Variants in ATP5F1A observed in about 807,000 individuals in gnomAD.
ATP5F1A encodes ATP synthase F(1) complex subunit alpha, mitochondrial.
A neutral mutation model predicts 57.4 loss-of-function variants in ATP5F1A; 24 were observed. That is an observed-to-expected ratio of 0.42 (90% confidence interval 0.30 to 0.59). The LOEUF is 0.59. Ranked by LOEUF, ATP5F1A falls within the 20% of genes least tolerant of loss-of-function variation. ATP5F1A has a pLI of 0.19. For synonymous variants in ATP5F1A, 251 were observed against 255.5 expected, an observed-to-expected ratio of 0.98 and a Z score of 0.17; for missense variants, 494 against 707.9, an observed-to-expected ratio of 0.70 and a Z score of 3.43.
At position 46,093,917 on chromosome 18, in the gene ATP5F1A, G is replaced by A. The variant is rs1910746203; in HGVS notation, c.139+1136C>T. Among the ~76,000 whole-genome samples the A allele has an allele frequency of 2.0e-5, 3 of 152,162 alleles. No homozygotes were observed. In the South Asian group the frequency reaches 6.2e-4, roughly 32 times the overall value. ...AGGTCAGGAGTTCGAGACCAGCCTGGCTAACATGGTGAAACCTTGTCTCTA... is the reference window on the plus strand; with the variant it reads ...AGGTCAGGAGTTCGAGACCAGCCTGACTAACATGGTGAAACCTTGTCTCTA... On this transcript the variant is annotated intron_variant, in intron 2 of 11. Coordinates refer to ENST00000398752, the MANE Select transcript of ATP5F1A (RefSeq NM_004046.6).
intron 2 of ATP5F1A, among the ~76,000 whole-genome samples, chr18:46,092,918 G>T (rs182931150): frequency 1.3e-4 from 20 of 151,794 alleles, no homozygotes; most frequent in African/African-American, 4.4e-4. Context: ...GATGCCAAAG[G>T]GGGTGGATCA....
intron 3 of ATP5F1A, among the ~76,000 whole-genome samples, chr18:46,091,394 A>T (rs1364850306): frequency 6.6e-6 from 1 of 152,246 alleles, no homozygotes; most frequent in African/African-American, 2.4e-5. Flanking sequence ...CTTAACAGCA[A>T]GACAGAACAG....
intron 1 of ATP5F1A, among the ~76,000 whole-genome samples, chr18:46,096,133 C>T (rs989473166): frequency 1.3e-5 from 2 of 152,144 alleles, no homozygotes; most frequent in African/African-American, 4.8e-5. Context: ...AGGTGATGCA[C>T]CCACCTTGGC....
At chr18:46,099,245 C>A (rs1465696818), upstream of ATP5F1A, 2 of 152,062 alleles carry the variant, frequency 1.3e-5, no homozygotes, top group African/African-American at 4.8e-5. Flanking sequence ...CTATTGGGAA[C>A]TCTGCTTCTT....
At chr18:46,086,895 TAATA>T (rs1208234883) in intron 8 of ATP5F1A, 109 bp downstream of exon 8, 2 of 1,199,638 alleles carry the variant, frequency 1.7e-6, no homozygotes, top group African/African-American at 3.1e-5. Flanking sequence ...AAATTTTCCA[TAATA>T]AAAAGTAAAA....
chr18:46,097,777 A>G, intron 1 of ATP5F1A: 3 of 1,017,990 alleles, frequency 2.9e-6, no homozygotes, highest in Non-Finnish European at 3.5e-6. Flanking sequence ...AAGAGCTGAC[A>G]GCAGTTTTCT....
chr18:46,103,353 C>G (rs1568259513), intron 1 of ATP5F1A, among the ~76,000 whole-genome samples: 1 of 151,976 alleles, frequency 6.6e-6, no homozygotes. Context: ...GTAATCCCAG[C>G]ACTTTGGGAG....
chr18:46,088,087 G>A, intron 6 of ATP5F1A, 22 bp downstream of exon 6: 4 of 1,586,518 alleles, frequency 2.5e-6, no homozygotes, highest in Non-Finnish European at 3.4e-6. Context: ...TAATAGCAAT[G>A]GGACTAAATT....
intron 8 of ATP5F1A, 69 bp downstream of exon 8, chr18:46,086,939 T>C: frequency 2.0e-6 from 3 of 1,492,290 alleles, no homozygotes; most frequent in Non-Finnish European, 9.2e-7. Flanking sequence ...AATATACCAT[T>C]AGTCTCAACC....
intron 10 of ATP5F1A, chr18:46,084,885 G>A (rs548917923): frequency 9.4e-6 from 4 of 425,482 alleles, no homozygotes; most frequent in Admixed American, 4.2e-5. Context: ...TTTCAGTATA[G>A]TCCATAAGCA....
intron 1 of ATP5F1A, among the ~76,000 whole-genome samples, chr18:46,095,664 C>T (rs141129749): frequency 1.3e-5 from 2 of 151,662 alleles, no homozygotes; most frequent in African/African-American, 2.4e-5. Flanking sequence ...TCACCCAGGT[C>T]GGAGTGCAGT....
intron 1 of ATP5F1A, among the ~76,000 whole-genome samples, chr18:46,097,284 C>T (rs972556244): frequency 6.6e-6 from 1 of 152,078 alleles, no homozygotes; most frequent in East Asian, 1.9e-4. Context: ...ATGTTTATTT[C>T]ACCTTTCAAA....
chr18:46,088,990 C>T (rs1198947017), intron 5 of ATP5F1A, among the ~76,000 whole-genome samples: 1 of 151,978 alleles, frequency 6.6e-6, no homozygotes, highest in Non-Finnish European at 1.5e-5. Flanking sequence ...CACATCAAGG[C>T]ACAGCACCTT....
rs563032474 is a variant in ATP5F1A, at chr18:46,082,697, G to C, written c.*1585C>G. 1 of 150,854 alleles carries C rather than the reference G, an allele frequency of 6.6e-6. No individual in the cohort carries two copies. The highest frequency in any genetic ancestry group is 1.5e-5 in the Non-Finnish European group (1 of 67,738). 9.3% of individuals were successfully genotyped at this position (150,854 alleles called of 1,614,324 possible). ...CCATCTCAAATAAATAAATAACTAA[G>C]TAAAAAAAAAGGTAACACATTAAGA... is the stretch of plus-strand genomic sequence containing the variant. On this transcript the variant is annotated 3_prime_UTR_variant, in exon 12 of 12. Transcript: ENST00000398752.
intron 5 of ATP5F1A, chr18:46,088,500 G>C: frequency 6.0e-6 from 2 of 336,036 alleles, no homozygotes; most frequent in Non-Finnish European, 1.1e-5. Context: ...ACGGATTTAG[G>C]GCTGTGCAGG....
intron 1 of ATP5F1A, among the ~76,000 whole-genome samples, chr18:46,095,809 G>C (rs1334112186): frequency 6.6e-6 from 1 of 151,844 alleles, no homozygotes; most frequent in East Asian, 1.9e-4. Context: ...TTTTTATAGA[G>C]ACAGGATTTC....
chr18:46,087,054 AC>A lies in ATP5F1A; in HGVS notation c.1129del (p.Val377CysfsTer50). 6.2e-7 allele frequency: 1 copy of A among 1,614,120 alleles called. No individual in the cohort carries two copies. The highest frequency in any genetic ancestry group is 8.5e-7 in the Non-Finnish European group (1 of 1,179,958). On this transcript the variant is annotated frameshift_variant, in exon 8 of 12. Coordinates refer to ENST00000398752, the MANE Select transcript of ATP5F1A (RefSeq NM_004046.6). LOFTEE classifies it high-confidence loss of function. Reference protein sequence around the residue: ...LPVIETQAGDVSAYIPTNVIS... With the variant: ...LPVIETQAGDXSAYIPTNVIS... Reference sequence around the variant, plus strand: ...GACATTTGTTGGAATGTAAGCAGACACATCACCAGCCTGTGTTTCTATGACT... The same window carrying A: ...GACATTTGTTGGAATGTAAGCAGACAATCACCAGCCTGTGTTTCTATGACT...
At chr18:46,086,857 C>T in intron 8 of ATP5F1A, 151 bp downstream of exon 8, 1 of 823,294 alleles carries the variant, frequency 1.2e-6, no homozygotes, top group Non-Finnish European at 1.9e-6. Flanking sequence ...TTTCACTATG[C>T]CATTCTCCTA....
chr18:46,095,098 C>A lies in ATP5F1A; in HGVS notation c.94G>T (p.Ala32Ser), dbSNP rs79011243. ...TTAGAGGCATGGAAGTTCCTTGCAG[C>A]AATGAAAGATGAACCCAAAGCATTT... ...SRNALGSSFI[A>S]ARNFHASNTH... is the part of the protein sequence containing the mutation. The change falls in exon 2 of 12, where the codon GCT becomes TCT. Residue 32 changes from alanine (A) to serine (S), a missense_variant. Physicochemically the swap from Ala to Ser is moderately conservative, Grantham distance 99. Transcript: ENST00000398752. 3.9e-3 allele frequency: 6,296 copies of A among 1,613,068 alleles called. 210 individuals are homozygous for A. The African/African-American group carries it at 0.075, about 19-fold the overall frequency.
Sources: gnomAD v4.1 joint callset for allele counts (sites outside exome capture counted in the v4.1 genomes callset) on GRCh38, gnomAD v4.1.1 for gene constraint, MANE v1.5 for transcripts, NCBI Gene and HGNC (gene_info 2026-07-23, HGNC 2026-07-21) for gene names.